Variants in BCKDHB observed in about 807,000 individuals in gnomAD.
BCKDHB encodes the protein 2-oxoisovalerate dehydrogenase subunit beta, mitochondrial.
In BCKDHB, 41 loss-of-function variants were observed where a neutral mutation model predicts 48.5. The ratio of observed to expected loss-of-function variants is 0.85; its 90% CI spans 0.66 to 1.10. The LOEUF (loss-of-function observed/expected upper bound fraction) is 1.10, where lower values mean the gene tolerates loss of function less well. BCKDHB is among the 50% of genes least tolerant of loss of function. The pLI is 0.00. For missense variants in BCKDHB, 496 were observed against 494.2 expected (o/e 1.00, Z -0.03); for synonymous variants, 201 against 174.8 (o/e 1.15, Z -1.18).
intron 3 of BCKDHB, among the ~76,000 whole-genome samples, chr6:80,133,311 G>T: frequency 6.6e-6 from 1 of 152,272 alleles, no homozygotes; most frequent in East Asian, 1.9e-4. Context: ...ATAATTAGAG[G>T]CAATGCTATA....
At chr6:80,365,225 G>A in the BCKDHB span, among the ~76,000 whole-genome samples, 1 of 152,156 alleles carries the variant, frequency 6.6e-6, no homozygotes, top group African/African-American at 2.4e-5. Context: ...TATGTTCAGT[G>A]GTGCATGTAT....
intron 9 of BCKDHB, among the ~76,000 whole-genome samples, chr6:80,288,988 G>C (rs912949257): frequency 6.6e-6 from 1 of 152,038 alleles, no homozygotes; most frequent in South Asian, 2.1e-4. Context: ...GAGCATATCT[G>C]TGTGTATATA....
intron 9 of BCKDHB, among the ~76,000 whole-genome samples, chr6:80,301,142 A>G (rs1231342759): frequency 1.3e-5 from 2 of 152,102 alleles, no homozygotes; most frequent in African/African-American, 4.8e-5. Context: ...GGAAGGAAAA[A>G]AAAAGAACAA....
At chr6:80,109,486 G>A (rs903820129) in intron 1 of BCKDHB, among the ~76,000 whole-genome samples, 1 of 152,102 alleles carries the variant, frequency 6.6e-6, no homozygotes, top group African/African-American at 2.4e-5. Context: ...TAAGTGCATA[G>A]TTCAAATTTA....
In BCKDHB at chr6:80,319,009, T is replaced by C. The variant is rs187536809; in HGVS notation, c.1039-24655T>C. 3.7e-3 allele frequency among the ~76,000 whole-genome samples: 562 copies of C among 152,328 alleles called. 3 individuals are homozygous for C. Among genetic ancestry groups the C allele is most frequent in the Non-Finnish European group, 4.8e-3 (327 of 68,036 alleles). ...ATATATGTGTGTTAGTTATCTGTTA[T>C]AATGGGAGCACAGGAAAGATAAGCC... On this transcript the variant is annotated intron_variant, in intron 9 of 9. Transcript: ENST00000320393.
At chr6:80,445,660 G>A in the BCKDHB span, among the ~76,000 whole-genome samples, 2 of 152,170 alleles carry the variant, frequency 1.3e-5, no homozygotes, top group East Asian at 3.8e-4. Flanking sequence ...GAGACTTGTA[G>A]CAGATACATC....
At chr6:80,171,196 A>G in intron 5 of BCKDHB, 86 bp from the exon 6 acceptor site, 1 of 740,586 alleles carries the variant, frequency 1.4e-6, no homozygotes, top group Non-Finnish European at 2.4e-6. Flanking sequence ...GTAACAATTG[A>G]TTATTTAAAT....
the BCKDHB span, among the ~76,000 whole-genome samples, chr6:80,456,231 G>A: frequency 0.87 from 131,428 of 150,594 alleles, 57,830 homozygotes; most frequent in East Asian, 0.95. Context: ...AAGAAAGAAA[G>A]AAAAAAAACT....
At chr6:80,205,780 C>G (rs866233838) in intron 8 of BCKDHB, among the ~76,000 whole-genome samples, 2 of 143,582 alleles carry the variant, frequency 1.4e-5, no homozygotes, top group Non-Finnish European at 1.5e-5. Flanking sequence ...AGAGACCTAC[C>G]CTGTGCCATG....
chr6:80,442,303 C>T, the BCKDHB span, among the ~76,000 whole-genome samples: 1 of 152,138 alleles, frequency 6.6e-6, no homozygotes, highest in Admixed American at 6.5e-5. Context: ...ACTTCTGAAA[C>T]ACTTTTATTC....
At chr6:80,366,004 A>T in the BCKDHB span, among the ~76,000 whole-genome samples, 1 of 151,202 alleles carries the variant, frequency 6.6e-6, no homozygotes, top group Non-Finnish European at 1.5e-5. Flanking sequence ...ATAATCACTC[A>T]AAGATGTCTT....
At chr6:80,293,854 A>G (rs1462672169) in intron 9 of BCKDHB, among the ~76,000 whole-genome samples, 1 of 152,198 alleles carries the variant, frequency 6.6e-6, no homozygotes, top group African/African-American at 2.4e-5. Context: ...TCTCTAGGGC[A>G]GGAGCAAAAT....
intron 3 of BCKDHB, among the ~76,000 whole-genome samples, chr6:80,161,178 T>G (rs1772297787): frequency 6.6e-6 from 1 of 152,218 alleles, no homozygotes; most frequent in African/African-American, 2.4e-5. Context: ...CGAAACTTAC[T>G]GTGTCATTAT....
chr6:80,297,509 A>AT (rs1767317073), intron 9 of BCKDHB, among the ~76,000 whole-genome samples: 1 of 152,160 alleles, frequency 6.6e-6, no homozygotes, highest in South Asian at 2.1e-4. Context: ...TAGTTGTAAG[A>AT]TTTTTCATTT....
At chr6:80,322,489 G>A (rs184943148) in intron 9 of BCKDHB, among the ~76,000 whole-genome samples, 26 of 151,864 alleles carry the variant, frequency 1.7e-4, no homozygotes, top group South Asian at 4.2e-4. Flanking sequence ...CACCCGCCTC[G>A]GCCTCCCAAA....
At chr6:80,127,945 A>G (rs1437259623) in intron 2 of BCKDHB, among the ~76,000 whole-genome samples, 3 of 152,110 alleles carry the variant, frequency 2.0e-5, no homozygotes, top group African/African-American at 7.2e-5. Context: ...TCATTCAGCT[A>G]TTTATTTATA....
At chr6:80,245,758 A>G (rs1776584391) in intron 8 of BCKDHB, among the ~76,000 whole-genome samples, 1 of 152,104 alleles carries the variant, frequency 6.6e-6, no homozygotes, top group Non-Finnish European at 1.5e-5. Context: ...GAAGCAGAAG[A>G]GAGGCAAGTA....
Position 80,253,738 on chromosome 6 carries a change from T to A in BCKDHB, c.952-19397T>A, listed in dbSNP as rs376058081. Among the ~76,000 whole-genome samples the A allele has an allele frequency of 4.4e-4, 67 of 152,252 alleles. No individual in the cohort carries two copies. In the South Asian group the frequency reaches 8.1e-3, roughly 18 times the overall value. ...CTTTTGCCCCCCAAAGTCATAGCTATATTTATAGTGTTTTTCTGAATATTA... is the reference window on the plus strand; with the variant it reads ...CTTTTGCCCCCCAAAGTCATAGCTAAATTTATAGTGTTTTTCTGAATATTA... On this transcript the variant is annotated intron_variant, in intron 8 of 9. Coordinates refer to ENST00000320393, the MANE Select transcript of BCKDHB (RefSeq NM_183050.4).
At chr6:80,113,931 G>A (rs1769547769) in intron 1 of BCKDHB, among the ~76,000 whole-genome samples, 1 of 152,170 alleles carries the variant, frequency 6.6e-6, no homozygotes, top group East Asian at 1.9e-4. Context: ...AGAGGCTGAA[G>A]TGAAGTTACA....
Sources: allele counts gnomAD v4.1 joint callset (sites outside exome capture counted in the v4.1 genomes callset), GRCh38; gene constraint gnomAD v4.1.1; transcripts MANE v1.5; gene names NCBI Gene and HGNC (gene_info 2026-07-23, HGNC 2026-07-21).